The following CBFA2T2 variants were observed in gnomAD, a reference collection of about 807,000 sequenced individuals.
The protein encoded by CBFA2T2 is CBFA2/RUNX1 partner transcriptional co-repressor 2.
A neutral mutation model predicts 62.2 loss-of-function variants in CBFA2T2; 11 were observed. The ratio of observed to expected loss-of-function variants is 0.18; its 90% confidence interval spans 0.11 to 0.29. The LOEUF (loss-of-function observed/expected upper bound fraction) is 0.29. CBFA2T2 is among the 10% of genes least tolerant of loss of function. The pLI is 1.00. For missense variants in CBFA2T2, 592 were observed against 774.1 expected (o/e 0.76, Z 2.79); for synonymous variants, 295 against 287.5 (o/e 1.03, Z -0.27).
intron 1 of CBFA2T2, among the ~76,000 whole-genome samples, chr20:33,492,075 T>G (rs2011150711): frequency 6.6e-6 from 1 of 151,762 alleles, no homozygotes; most frequent in Non-Finnish European, 1.5e-5. Context: ...GTAGAGACGG[T>G]TTTACCATGT....
chr20:33,557,824 TTCTC>T (rs1251847883), intron 1 of CBFA2T2, among the ~76,000 whole-genome samples: 2 of 151,924 alleles, frequency 1.3e-5, no homozygotes, highest in South Asian at 2.1e-4. Context: ...GGTCTTTTAT[TTCTC>T]TCTCTTTTTT....
intron 6 of CBFA2T2, among the ~76,000 whole-genome samples, chr20:33,625,868 T>C (rs2016202729): frequency 6.6e-6 from 1 of 151,890 alleles, no homozygotes; most frequent in African/African-American, 2.4e-5. Flanking sequence ...TTTGGGAGGC[T>C]GAGGTGGGTG....
intron 1 of CBFA2T2, among the ~76,000 whole-genome samples, chr20:33,581,931 T>C (rs2146914705): frequency 6.6e-6 from 1 of 152,260 alleles, no homozygotes; most frequent in East Asian, 1.9e-4. Flanking sequence ...TGGAAAGGAA[T>C]CTTAGTTTTC....
At chr20:33,592,684 G>A (rs2014713393) in intron 1 of CBFA2T2, among the ~76,000 whole-genome samples, 1 of 151,544 alleles carries the variant, frequency 6.6e-6, no homozygotes. Flanking sequence ...CAGACCTAGT[G>A]TCTTCGAGAA....
In CBFA2T2 at chr20:33,644,554, G is replaced by T. The variant is rs758482628; in HGVS notation, c.1696G>T (p.Val566Leu). The change falls in exon 11 of 11, where the codon GTG becomes TTG. Residue 566 changes from valine to leucine, a missense_variant. By Grantham distance (32) the Val-to-Leu change is conservative. Around this residue, in one of 3 missense-constraint regions of CBFA2T2, gnomAD observed 85 missense variants for 99.0 expected, o/e 0.86. Coordinates refer to ENST00000342704, the MANE Select transcript of CBFA2T2 (RefSeq NM_001032999.3). ...CTCTGCCAGGTCCGCCGACTGCAGC[G>T]TGCCCAGCCCAGCCCTCGACAAGAC... is the stretch of plus-strand genomic sequence containing the variant. ...GSSARSADCSVPSPALDKTSA... is the reference protein window; with the variant it reads ...GSSARSADCSLPSPALDKTSA... 6.2e-7 allele frequency: 1 copy of T among 1,614,002 alleles called. No individual in the cohort carries two copies. Among genetic ancestry groups the T allele is most frequent in the East Asian group, 2.2e-5 (1 of 44,878 alleles).
chr20:33,571,032 C>CA (rs1389981076), intron 1 of CBFA2T2, among the ~76,000 whole-genome samples: 1 of 152,182 alleles, frequency 6.6e-6, no homozygotes, highest in South Asian at 2.1e-4. Context: ...TAAGGGAGGA[C>CA]AACAGACTTG....
At chr20:33,521,416 C>T (rs1459771955) in intron 1 of CBFA2T2, among the ~76,000 whole-genome samples, 1 of 152,036 alleles carries the variant, frequency 6.6e-6, no homozygotes, top group Non-Finnish European at 1.5e-5. Context: ...ATAATAATAA[C>T]TCTCTGACAT....
chr20:33,543,472 T>A (rs1026534574), intron 1 of CBFA2T2, among the ~76,000 whole-genome samples: 1 of 152,156 alleles, frequency 6.6e-6, no homozygotes, highest in East Asian at 1.9e-4. Flanking sequence ...AAATGAATGG[T>A]CTGCATCAAT....
rs373821038 is a variant in CBFA2T2 at position 33,504,836 on chromosome 20, A to G, written c.34+14535A>G. On this transcript the variant is annotated intron_variant, in intron 1 of 10. Transcript: ENST00000342704. The stretch of plus-strand genomic sequence containing the variant: ...TTTTGTTTTGTTTTGTTTTAGAATT[A>G]ATTGTTAAGGAAGCACTATATCTGG... 3.0e-4 allele frequency among the ~76,000 whole-genome samples: 45 copies of G among 152,194 alleles called. 1 individual carries two copies. Among genetic ancestry groups the G allele is most frequent in the African/African-American group, 1.0e-3 (42 of 41,536 alleles).
intron 8 of CBFA2T2, among the ~76,000 whole-genome samples, chr20:33,633,951 T>TA (rs1224150581): frequency 1.3e-5 from 2 of 152,166 alleles, no homozygotes; most frequent in Non-Finnish European, 2.9e-5. Context: ...ACTTTGCAAG[T>TA]AAAATTTTTT....
intron 1 of CBFA2T2, among the ~76,000 whole-genome samples, chr20:33,552,355 G>A (rs1216725543): frequency 6.6e-6 from 1 of 152,168 alleles, no homozygotes; most frequent in Non-Finnish European, 1.5e-5. Context: ...GAGGACCTCA[G>A]GTGACACCTG....
chr20:33,601,480 A>G (rs1002132502), intron 1 of CBFA2T2, among the ~76,000 whole-genome samples: 4 of 150,988 alleles, frequency 2.6e-5, no homozygotes, highest in Admixed American at 1.3e-4. Flanking sequence ...GGCCAGGCTG[A>G]TCTTGAACTC....
chr20:33,539,762 C>T (rs1315678569), intron 1 of CBFA2T2, among the ~76,000 whole-genome samples: 1 of 150,960 alleles, frequency 6.6e-6, no homozygotes, highest in East Asian at 1.9e-4. Flanking sequence ...TCACAGCTTA[C>T]TTCAGCCTCA....
At chr20:33,621,933 G>C (rs2016007746) in intron 4 of CBFA2T2, among the ~76,000 whole-genome samples, 1 of 152,182 alleles carries the variant, frequency 6.6e-6, no homozygotes, top group Non-Finnish European at 1.5e-5. Flanking sequence ...CTTTATGTAT[G>C]TCAGAGCTGG....
At chr20:33,579,160 C>T (rs144139781) in intron 1 of CBFA2T2, among the ~76,000 whole-genome samples, 1 of 146,826 alleles carries the variant, frequency 6.8e-6, no homozygotes, top group African/African-American at 2.5e-5. Context: ...GTCGCCCAGG[C>T]TGGAGTGCTG....
intron 3 of CBFA2T2, among the ~76,000 whole-genome samples, chr20:33,617,886 T>G (rs141397964): frequency 3.3e-5 from 5 of 152,322 alleles, no homozygotes; most frequent in African/African-American, 1.2e-4. Flanking sequence ...ATAATAAATA[T>G]GATATATTTG....
intron 1 of CBFA2T2, among the ~76,000 whole-genome samples, chr20:33,501,521 T>G (rs2146847244): frequency 6.6e-6 from 1 of 151,790 alleles, no homozygotes; most frequent in African/African-American, 2.4e-5. Flanking sequence ...GGAGAGGTGA[T>G]GGTTTTAGCT....
intron 1 of CBFA2T2, among the ~76,000 whole-genome samples, chr20:33,545,691 TC>T (rs1291918794): frequency 2.0e-5 from 3 of 152,126 alleles, no homozygotes; most frequent in Non-Finnish European, 2.9e-5. Flanking sequence ...AGGTTATCTG[TC>T]CCCTGTTGGC....
At chr20:33,507,044 TGTTA>T (rs1382614766) in intron 1 of CBFA2T2, among the ~76,000 whole-genome samples, 1 of 152,202 alleles carries the variant, frequency 6.6e-6, no homozygotes, top group African/African-American at 2.4e-5. Context: ...GGTGTTACCC[TGTTA>T]GTTAAATTCA....
Sources: allele counts gnomAD v4.1 joint callset (sites outside exome capture counted in the v4.1 genomes callset), GRCh38; gene constraint gnomAD v4.1.1; regional missense constraint gnomAD v4.1.1; transcripts MANE v1.5; gene names NCBI Gene and HGNC (gene_info 2026-07-23, HGNC 2026-07-21).